Variants in POLD3 observed in about 807,000 individuals in gnomAD.
POLD3 encodes DNA polymerase delta subunit 3.
In POLD3, 19 loss-of-function variants were observed where a neutral mutation model predicts 58.2. The ratio of observed to expected loss-of-function variants is 0.33; its 90% CI spans 0.23 to 0.48. The LOEUF is 0.48. Among genes scored for constraint, POLD3 ranks in the 20% least tolerant of loss-of-function variants. The pLI is 0.99. For synonymous variants in POLD3, 172 were observed against 193.5 expected, an observed-to-expected ratio of 0.89 and a Z score of 0.92; for missense variants, 504 against 545.5, an observed-to-expected ratio of 0.92 and a Z score of 0.76.
At chr11:74,634,893 G>A (rs1368368090) in intron 10 of POLD3, among the ~76,000 whole-genome samples, 198 bp downstream of exon 10, 1 of 152,198 alleles carries the variant, frequency 6.6e-6, no homozygotes, top group East Asian at 1.9e-4. Context: ...TTGCTAGTGG[G>A]TATAGTCTCA....
rs1367888364 is a variant in POLD3 at position 74,641,095 on chromosome 11, C to G, written c.*329C>G. The G allele has an allele frequency of 9.8e-7, 1 of 1,022,448 alleles. No homozygotes were observed. Among genetic ancestry groups the G allele is most frequent in the Non-Finnish European group, 1.2e-6 (1 of 854,842 alleles). The allele number at this position is 1,022,448 out of a possible 1,614,324, so 63.3% of individuals were successfully genotyped here. A position where few individuals can be genotyped will look rare whatever the true frequency, so the allele number is the denominator to read the frequency against. On this transcript the variant is annotated 3_prime_UTR_variant, in exon 12 of 12. Coordinates refer to ENST00000263681, the MANE Select transcript of POLD3 (RefSeq NM_006591.3). Reference sequence around the variant, plus strand: ...TTAGTGGCTAACCCACTGTGCTCCACTCACCCTATGCCCTGGTCCGCATAT... The same window carrying G: ...TTAGTGGCTAACCCACTGTGCTCCAGTCACCCTATGCCCTGGTCCGCATAT...
At position 74,642,397 on chromosome 11, in the gene POLD3, C is replaced by T; in HGVS notation, c.*1631C>T. The T allele has an allele frequency of 1.0e-6, 1 of 984,984 alleles. No homozygotes were observed. Among genetic ancestry groups the T allele is most frequent in the Non-Finnish European group, 1.2e-6 (1 of 829,552 alleles). The allele number at this position is 984,984 out of a possible 1,614,324, so 61.0% of individuals were successfully genotyped here. A position where few individuals can be genotyped will look rare whatever the true frequency, so the allele number is the denominator to read the frequency against. On this transcript the variant is annotated 3_prime_UTR_variant, in exon 12 of 12. Transcript: ENST00000263681. The stretch of plus-strand genomic sequence containing the variant: ...AGAAAAAACTTCTGGAGAGAAATCC[C>T]TTTTAAACAGTTACTTTTGTCATTG...
chr11:74,592,745 G>T (rs917292500), intron 1 of POLD3, 27 bp downstream of exon 1: 8 of 1,613,396 alleles, frequency 5.0e-6, no homozygotes, highest in Non-Finnish European at 6.8e-6. Flanking sequence ...GGGGAACGCG[G>T]GCGTGCGACC....
At chr11:74,623,364 G>T (rs2135156619) in intron 7 of POLD3, among the ~76,000 whole-genome samples, 1 of 152,306 alleles carries the variant, frequency 6.6e-6, no homozygotes, top group African/African-American at 2.4e-5. Flanking sequence ...GAACCCAGGA[G>T]GCGGAGCTTG....
chr11:74,592,890 C>T, intron 1 of POLD3, 172 bp downstream of exon 1: 1 of 1,442,908 alleles, frequency 6.9e-7, no homozygotes, highest in Non-Finnish European at 9.1e-7. Context: ...GAGGACTCGT[C>T]GGGAAGGTCC....
At chr11:74,626,547 G>A (rs1276471268) in intron 8 of POLD3, among the ~76,000 whole-genome samples, 1 of 152,054 alleles carries the variant, frequency 6.6e-6, no homozygotes, top group Non-Finnish European at 1.5e-5. Context: ...AAAATGTTAG[G>A]CCAACCTTGT....
At position 74,619,889 on chromosome 11, in the gene POLD3, G is replaced by A. The variant is rs75444003; in HGVS notation, c.661-128G>A. ...TTGTTCTTATATCTAACACCTACGC[G>A]TTTTGGCATGATTATATAGAGACTA... is the stretch of plus-strand genomic sequence containing the variant. On this transcript the variant is annotated intron_variant, in intron 6 of 11. Transcript: ENST00000263681. 3.0e-3 allele frequency: 2,033 copies of A among 688,484 alleles called. 30 individuals carry two copies. In the African/African-American group the frequency reaches 0.032, roughly 11 times the overall value. 42.6% of individuals were successfully genotyped at this position (688,484 alleles called of 1,614,324 possible). A position where few individuals can be genotyped will look rare whatever the true frequency, so the allele number is the denominator to read the frequency against.
At chr11:74,594,612 A>G (rs978167608) in intron 2 of POLD3, among the ~76,000 whole-genome samples, 52 of 152,344 alleles carry the variant, frequency 3.4e-4, no homozygotes, top group Middle Eastern at 6.8e-3. Flanking sequence ...ACATTCATCT[A>G]TAAGTGTTTA....
At chr11:74,617,174 G>A (rs2032104502) in intron 5 of POLD3, among the ~76,000 whole-genome samples, 1 of 152,164 alleles carries the variant, frequency 6.6e-6, no homozygotes, top group South Asian at 2.1e-4. Context: ...TTCACAATGT[G>A]GAATGTTACA....
intron 4 of POLD3, among the ~76,000 whole-genome samples, chr11:74,667,284 C>T (rs1399709332): frequency 6.6e-6 from 1 of 152,210 alleles, no homozygotes; most frequent in Non-Finnish European, 1.5e-5. Flanking sequence ...GCCTGTAATC[C>T]CAGCACTTTG....
chr11:74,618,381 C>G (rs2032143854), intron 5 of POLD3, among the ~76,000 whole-genome samples, 156 bp from the exon 6 acceptor site: 1 of 151,884 alleles, frequency 6.6e-6, no homozygotes, highest in Non-Finnish European at 1.5e-5. Flanking sequence ...TTTCTAAAGT[C>G]GATTCTAAAC....
intron 2 of POLD3, 116 bp downstream of exon 2, chr11:74,594,232 C>T: frequency 1.5e-6 from 1 of 667,938 alleles, no homozygotes; most frequent in Middle Eastern, 2.8e-4. Context: ...GGTTTGCTGG[C>T]AATCATTGGT....
chr11:74,627,523 A>G (rs1361573837), intron 8 of POLD3, among the ~76,000 whole-genome samples: 3 of 152,180 alleles, frequency 2.0e-5, no homozygotes, highest in African/African-American at 4.8e-5. Context: ...GATAAAGTCT[A>G]CAGTAGTGTA....
chr11:74,619,406 T>G (rs779521381), intron 6 of POLD3, among the ~76,000 whole-genome samples: 9 of 152,198 alleles, frequency 5.9e-5, no homozygotes, highest in Non-Finnish European at 1.2e-4. Context: ...GTCAAGTGTA[T>G]TTAATTCAGA....
At chr11:74,656,034 AT>A (rs1457474936) in intron 4 of POLD3, among the ~76,000 whole-genome samples, 1 of 152,242 alleles carries the variant, frequency 6.6e-6, no homozygotes, top group Non-Finnish European at 1.5e-5. Flanking sequence ...TATATCAGCA[AT>A]TAGTAATTGT....
Position 74,611,514 on chromosome 11 carries a change from G to A in POLD3, c.235G>A (p.Val79Ile), listed in dbSNP as rs2031909299. 1.3e-6 allele frequency: 2 copies of A among 1,563,500 alleles called. No homozygotes were observed. The highest frequency in any genetic ancestry group is 1.2e-5 in the South Asian group (1 of 85,570). ...QNGHSCHKVA[V>I]VREDKLEAVK... ...TTTCTTACAGTGCCACAAGGTTGCA[G>A]TAGTGAGAGAAGATAAATTGGAAGG... Residue 79 changes from valine to isoleucine, a missense_variant, in exon 4 of 12, where the codon GTA becomes ATA. By Grantham distance (29) the Val-to-Ile change is conservative (BLOSUM62 3). This residue lies in a region of POLD3 where 119 missense variants were observed against 175.0 expected (regional missense o/e 0.68). Coordinates refer to ENST00000263681, the MANE Select transcript of POLD3 (RefSeq NM_006591.3).
intron 8 of POLD3, among the ~76,000 whole-genome samples, chr11:74,625,779 T>A (rs1200624364): frequency 6.6e-6 from 1 of 152,078 alleles, no homozygotes; most frequent in African/African-American, 2.4e-5. Flanking sequence ...TTTGGATGAT[T>A]TAAGGACCAA....
intron 2 of POLD3, among the ~76,000 whole-genome samples, chr11:74,599,563 G>A (rs1044836617): frequency 3.3e-5 from 5 of 149,810 alleles, no homozygotes; most frequent in East Asian, 2.0e-4. Flanking sequence ...AGGGTTTCAC[G>A]ATCTTGGCCA....
intron 4 of POLD3, among the ~76,000 whole-genome samples, chr11:74,661,040 T>A (rs867437593): frequency 1.3e-5 from 2 of 152,044 alleles, no homozygotes; most frequent in African/African-American, 4.8e-5. Flanking sequence ...AATTTCTGCT[T>A]GATTCTTTTC....
Sources: allele counts gnomAD v4.1 joint callset (sites outside exome capture counted in the v4.1 genomes callset), GRCh38; gene constraint gnomAD v4.1.1; regional missense constraint gnomAD v4.1.1; transcripts MANE v1.5; gene names NCBI Gene and HGNC (gene_info 2026-07-23, HGNC 2026-07-21).